RBM23: variants seen among roughly 807,000 people sequenced by gnomAD.
RBM23 encodes probable RNA-binding protein 23.
In RBM23, 53 loss-of-function variants were observed where a neutral mutation model predicts 56.2. The ratio of observed to expected loss-of-function variants is 0.94; its 90% CI spans 0.76 to 1.19. RBM23 has a LOEUF of 1.19. RBM23 is among the 50% of genes most tolerant of loss of function. The pLI, the probability that RBM23 is intolerant of heterozygous loss-of-function variation, is 0.00. For synonymous variants in RBM23, 197 were observed against 198.5 expected (o/e 0.99, Z 0.06); for missense variants, 642 against 590.3 (o/e 1.09, Z -0.91).
At position 22,901,550 on chromosome 14, in the gene RBM23, A is replaced by G; in HGVS notation, c.*180T>C. ...GCTTTGCTCAGCAGAGTCCATTTCCAGTGGGACCATGGGCAGGAGCTTTTC... is the reference window on the plus strand; with the variant it reads ...GCTTTGCTCAGCAGAGTCCATTTCCGGTGGGACCATGGGCAGGAGCTTTTC... On this transcript the variant is annotated 3_prime_UTR_variant, in exon 14 of 14. Coordinates refer to ENST00000359890, the MANE Select transcript of RBM23 (RefSeq NM_001077351.2). 1 of 856,542 alleles carries G rather than the reference A, an allele frequency of 1.2e-6. No homozygotes were observed. Among genetic ancestry groups the G allele is most frequent in the East Asian group, 2.6e-5 (1 of 38,448 alleles). The allele number at this position is 856,542 out of a possible 1,614,324, so 53.1% of individuals were successfully genotyped here. A position where few individuals can be genotyped will look rare whatever the true frequency, so the allele number is the denominator to read the frequency against.
intron 2 of RBM23, among the ~76,000 whole-genome samples, chr14:22,910,176 A>AAAAAAAAAAG (rs1191777941): frequency 7.9e-6 from 1 of 127,210 alleles, no homozygotes; most frequent in African/African-American, 2.9e-5. Flanking sequence ...AAAAAAAAAA[A>AAAAAAAAAAG]AGAGGCTGGG....
rs2040443870 is a variant in RBM23 at position 22,901,199 on chromosome 14, A to G, written c.*531T>C. ...GTAGGTCTGGCCTCAAGCTGCTTCA[A>G]GCTAAGGTCTGAGGCTGGCTTCTCA... On this transcript the variant is annotated 3_prime_UTR_variant, in exon 14 of 14. Coordinates refer to ENST00000359890, the MANE Select transcript of RBM23 (RefSeq NM_001077351.2). 1 of 161,688 alleles carries G rather than the reference A, an allele frequency of 6.2e-6. No homozygotes were observed. The highest frequency in any genetic ancestry group is 6.0e-5 in the Admixed American group (1 of 16,782). 10.0% of individuals were successfully genotyped at this position (161,688 alleles called of 1,614,324 possible).
intron 1 of RBM23, among the ~76,000 whole-genome samples, chr14:22,912,543 G>A (rs892496053): frequency 4.6e-5 from 7 of 151,922 alleles, no homozygotes; most frequent in Non-Finnish European, 5.9e-5. Flanking sequence ...AAATACCAAA[G>A]AAAACCAATA....
chr14:22,914,945 T>G (rs561539123), intron 1 of RBM23, among the ~76,000 whole-genome samples: 1 of 137,458 alleles, frequency 7.3e-6, no homozygotes, highest in Non-Finnish European at 1.5e-5. Flanking sequence ...ATCACACCAC[T>G]GCACTCCAGC....
In RBM23 at chr14:22,905,662, AAAG is replaced by A. The variant is rs1566550623; in HGVS notation, c.402-6_402-4del. On this transcript the variant is annotated splice_polypyrimidine_tract_variant and splice_region_variant and intron_variant, in intron 5 of 13. Coordinates refer to ENST00000359890, the MANE Select transcript of RBM23 (RefSeq NM_001077351.2). ...TCTTACTGTGTCCATACCTATAACT[AAAG>A]AATAGAGAAAAACAAAAGGTGAAAC... The A allele has an allele frequency of 1.2e-6, 2 of 1,601,810 alleles. No homozygotes were observed. Among genetic ancestry groups the A allele is most frequent in the East Asian group, 2.2e-5 (1 of 44,820 alleles).
chr14:22,914,845 T>G (rs903844205), intron 1 of RBM23, among the ~76,000 whole-genome samples: 1 of 151,700 alleles, frequency 6.6e-6, no homozygotes, highest in South Asian at 2.1e-4. Flanking sequence ...TAGCCGGGCA[T>G]GGTGGTGGGC....
chr14:22,909,636 G>A, intron 2 of RBM23, 41 bp from the exon 3 acceptor site: 1 of 1,491,322 alleles, frequency 6.7e-7, no homozygotes, highest in Non-Finnish European at 9.3e-7. Flanking sequence ...GTATAAGGTG[G>A]CAGACACACA....
intron 10 of RBM23, 184 bp downstream of exon 10, chr14:22,904,077 G>A: frequency 6.6e-7 from 1 of 1,524,706 alleles, no homozygotes; most frequent in Non-Finnish European, 8.8e-7. Context: ...GAGTGTAGGA[G>A]CAAAGCCAAG....
chr14:22,904,634 C>A lies in RBM23; in HGVS notation c.864+241G>T, dbSNP rs143964677. On this transcript the variant is annotated intron_variant, in intron 9 of 13. Transcript: ENST00000359890. The stretch of plus-strand genomic sequence containing the variant: ...CTATAGGCGTGCACCACCACATTGG[C>A]TAATTTTTGTATTTTTTAATCTTTC... Among the ~76,000 whole-genome samples, 503 of 151,882 alleles carry A rather than the reference C, an allele frequency of 3.3e-3. 4 individuals are homozygous for A. Among genetic ancestry groups the A allele is most frequent in the African/African-American group, 8.4e-3 (349 of 41,404 alleles).
intron 3 of RBM23, among the ~76,000 whole-genome samples, chr14:22,909,153 AT>A (rs1479033617): frequency 6.6e-6 from 1 of 151,800 alleles, no homozygotes; most frequent in Admixed American, 6.6e-5. Flanking sequence ...ATGTTGGTCA[AT>A]CTGGTCTCGA....
chr14:22,904,039 G>C, intron 10 of RBM23: 1 of 1,482,518 alleles, frequency 6.7e-7, no homozygotes, highest in Non-Finnish European at 8.9e-7. Context: ...GTGAACTCCT[G>C]AACACCCCCA....
chr14:22,913,294 G>A (rs12890367), intron 1 of RBM23, among the ~76,000 whole-genome samples: 1 of 150,968 alleles, frequency 6.6e-6, no homozygotes, highest in Non-Finnish European at 1.5e-5. Context: ...GGTGCTTGTA[G>A]TCCCAGCTAC....
At chr14:22,910,647 T>C (rs1051247936) in intron 2 of RBM23, among the ~76,000 whole-genome samples, 5 of 151,980 alleles carry the variant, frequency 3.3e-5, no homozygotes, top group African/African-American at 1.2e-4. Context: ...CCAAGGCAGA[T>C]CGCTTGAGCC....
intron 9 of RBM23, 73 bp downstream of exon 9, chr14:22,904,802 A>G: frequency 6.3e-7 from 1 of 1,594,114 alleles, no homozygotes; most frequent in Non-Finnish European, 8.6e-7. Flanking sequence ...GGCACAACAG[A>G]GAAGTACACT....
chr14:22,904,250 TAG>T lies in RBM23; in HGVS notation c.930+9_930+10del. On this transcript the variant is annotated intron_variant, in intron 10 of 13. Coordinates refer to ENST00000359890, the MANE Select transcript of RBM23 (RefSeq NM_001077351.2). ...AAGTAAAATAAAAAAATTAAAAGAC[TAG>T]AGACTCACCGTGATGAAACCATAAC... 6.2e-7 allele frequency: 1 copy of T among 1,613,904 alleles called. No individual in the cohort carries two copies. Among genetic ancestry groups the T allele is most frequent in the African/African-American group, 1.3e-5 (1 of 74,982 alleles).
At position 22,905,140 on chromosome 14, in the gene RBM23, G is replaced by A; in HGVS notation, c.680C>T (p.Thr227Ile). Residue 227 changes from threonine (T) to isoleucine (I), a missense_variant, in exon 8 of 14, where the codon ACT becomes ATT. Transcript: ENST00000359890. ...IQSVPLAIGLTGQRLLGVPII... is the reference protein window; with the variant it reads ...IQSVPLAIGLIGQRLLGVPII... ...AGGCACTCCCAGCAACCGCTGCCCA[G>A]TCAGCCCAATGGCCAGTGGCACAGA... The A allele has an allele frequency of 6.2e-7, 1 of 1,614,152 alleles. No homozygotes were observed.
At chr14:22,914,083 T>G (rs1434905857) in intron 1 of RBM23, 2 of 151,386 alleles carry the variant, frequency 1.3e-5, no homozygotes, top group Non-Finnish European at 2.9e-5. Context: ...TCCCAGCACT[T>G]TGGAAGGCCG....
chr14:22,900,860 C>G lies in RBM23; in HGVS notation c.*870G>C, dbSNP rs2040401920. On this transcript the variant is annotated 3_prime_UTR_variant, in exon 14 of 14. Coordinates refer to ENST00000359890, the MANE Select transcript of RBM23 (RefSeq NM_001077351.2). Reference sequence around the variant, plus strand: ...TCCAGTGAGAAGGGCTCACACATGCCCAGGTAAGGGATGGGAGTAGCTATA... The same window carrying G: ...TCCAGTGAGAAGGGCTCACACATGCGCAGGTAAGGGATGGGAGTAGCTATA... 6.6e-6 allele frequency: 1 copy of G among 151,888 alleles called. No homozygotes were observed. Among genetic ancestry groups the G allele is most frequent in the Non-Finnish European group, 1.5e-5 (1 of 68,018 alleles). 9.4% of individuals were successfully genotyped at this position (151,888 alleles called of 1,614,324 possible).
In RBM23 at chr14:22,907,155, C is replaced by T. The variant is rs185574876; in HGVS notation, c.228-787G>A. ...CGCCACTGCACTCCATCCTGGGCAA[C>T]AGAGTGAGACTCTGTCTCAAAAAAC... On this transcript the variant is annotated intron_variant, in intron 4 of 13. Transcript: ENST00000359890. 4.6e-4 allele frequency among the ~76,000 whole-genome samples: 70 copies of T among 151,796 alleles called. No homozygotes were observed. In the East Asian group the frequency reaches 0.013, roughly 28 times the overall value.
Sources: gnomAD v4.1 joint callset for allele counts (sites outside exome capture counted in the v4.1 genomes callset) on GRCh38, gnomAD v4.1.1 for gene constraint, MANE v1.5 for transcripts, NCBI Gene and HGNC (gene_info 2026-07-23, HGNC 2026-07-21) for gene names.